The following GLI3 variants were observed in gnomAD, a reference collection of about 807,000 sequenced individuals.
GLI3 encodes GLI family zinc finger 3, also known as transcription activator GLI3.
Under a neutral mutation model 100.8 loss-of-function variants are expected in GLI3, and 20 were observed. The observed-to-expected ratio is 0.20, with a 90% confidence interval of 0.14 to 0.29. The LOEUF is 0.29. Among genes scored for constraint, GLI3 ranks in the 10% least tolerant of loss-of-function variants. The pLI, the probability that GLI3 is intolerant of heterozygous loss-of-function variation, is 1.00. For synonymous variants in GLI3, 938 were observed against 860.5 expected, an observed-to-expected ratio of 1.09 and a Z score of -1.58; for missense variants, 2,040 against 2,128.5, an observed-to-expected ratio of 0.96 and a Z score of 0.82.
intron 7 of GLI3, among the ~76,000 whole-genome samples, chr7:42,029,358 A>G (rs900250033): frequency 6.6e-6 from 1 of 152,228 alleles, no homozygotes; most frequent in African/African-American, 2.4e-5. Flanking sequence ...CTCTCAGAAC[A>G]CTGCCATCAG....
intron 1 of GLI3, among the ~76,000 whole-genome samples, chr7:42,229,115 C>A (rs938576281): frequency 6.6e-6 from 1 of 152,178 alleles, no homozygotes; most frequent in African/African-American, 2.4e-5. Flanking sequence ...AAACAACTTT[C>A]TAATGTAGGG....
intron 2 of GLI3, among the ~76,000 whole-genome samples, chr7:42,206,057 C>T (rs770844206): frequency 9.9e-5 from 15 of 152,088 alleles, no homozygotes; most frequent in Non-Finnish European, 2.1e-4. Context: ...CATCTGAGGT[C>T]AGAAGTTCGA....
At chr7:42,139,794 T>C (rs6972614) in intron 3 of GLI3, among the ~76,000 whole-genome samples, 2,434 of 152,346 alleles carry the variant, frequency 0.016, 72 homozygotes, top group African/African-American at 0.056. Context: ...TGACCTGCGA[T>C]GGAGTCGCAC....
chr7:42,106,571 T>C (rs1441598155), intron 3 of GLI3, among the ~76,000 whole-genome samples: 2 of 152,198 alleles, frequency 1.3e-5, no homozygotes, highest in African/African-American at 4.8e-5. Flanking sequence ...TCTTTTAGAA[T>C]CATTTGCAGC....
intron 4 of GLI3, among the ~76,000 whole-genome samples, chr7:42,067,679 C>T (rs1047654434): frequency 2.3e-4 from 35 of 152,100 alleles, no homozygotes; most frequent in African/African-American, 8.2e-4. Context: ...CTACCTAGGC[C>T]ATACTAGACT....
At chr7:42,025,415 T>G (rs754158937) in intron 8 of GLI3, 38 bp from the exon 9 acceptor site, 59 of 1,468,692 alleles carry the variant, frequency 4.0e-5, no homozygotes, top group Non-Finnish European at 5.5e-5. Context: ...ACAAAAAGAT[T>G]TTCATCAACA....
chr7:42,056,193 G>A (rs2128745254), intron 4 of GLI3, among the ~76,000 whole-genome samples: 1 of 152,264 alleles, frequency 6.6e-6, no homozygotes, highest in South Asian at 2.1e-4. Flanking sequence ...GCATGAAAAT[G>A]GACTAATATA....
chr7:42,052,971 T>C (rs1038484713), intron 4 of GLI3, among the ~76,000 whole-genome samples: 2 of 152,202 alleles, frequency 1.3e-5, no homozygotes, highest in African/African-American at 4.8e-5. Context: ...TCTTGGCAGC[T>C]AGATCATTTG....
At chr7:42,105,913 C>T (rs896379277) in intron 3 of GLI3, among the ~76,000 whole-genome samples, 3 of 152,108 alleles carry the variant, frequency 2.0e-5, no homozygotes, top group African/African-American at 7.2e-5. Flanking sequence ...GAGGTACATC[C>T]GCTTATCCAA....
At chr7:42,146,387 C>T (rs915632742) in intron 3 of GLI3, among the ~76,000 whole-genome samples, 1 of 152,104 alleles carries the variant, frequency 6.6e-6, no homozygotes, top group African/African-American at 2.4e-5. Flanking sequence ...GCTCCCAGCC[C>T]CTCAGAGGAC....
chr7:42,053,055 C>T (rs564582256), intron 4 of GLI3, among the ~76,000 whole-genome samples: 19 of 152,146 alleles, frequency 1.2e-4, no homozygotes, highest in East Asian at 1.9e-4. Flanking sequence ...AGTGCAGTGG[C>T]GCAATCTCGG....
intron 9 of GLI3, among the ~76,000 whole-genome samples, chr7:42,024,111 G>A (rs1789029595): frequency 6.6e-6 from 1 of 151,980 alleles, no homozygotes; most frequent in Non-Finnish European, 1.5e-5. Flanking sequence ...TGCTGTTTTC[G>A]CTGCTGTTGG....
At chr7:42,176,508 A>G (rs1186654983) in intron 2 of GLI3, among the ~76,000 whole-genome samples, 1 of 152,142 alleles carries the variant, frequency 6.6e-6, no homozygotes, top group African/African-American at 2.4e-5. Context: ...TCATGCAAAC[A>G]GATGCCCAGA....
At chr7:41,983,006 A>T (rs1440245649) in intron 10 of GLI3, among the ~76,000 whole-genome samples, 1 of 152,264 alleles carries the variant, frequency 6.6e-6, no homozygotes, top group East Asian at 1.9e-4. Flanking sequence ...TGAATGGGTT[A>T]TCTGTTCATT....
At chr7:42,084,300 CAAGTG>C (rs1562720369) in intron 3 of GLI3, among the ~76,000 whole-genome samples, 1 of 152,212 alleles carries the variant, frequency 6.6e-6, no homozygotes, top group Non-Finnish European at 1.5e-5. Context: ...TGTTCCTCTG[CAAGTG>C]AACTGACAAA....
upstream of GLI3, among the ~76,000 whole-genome samples, chr7:42,238,181 C>T (rs576458113): frequency 2.2e-4 from 33 of 152,056 alleles, no homozygotes; most frequent in East Asian, 6.3e-3. Context: ...TGATGTCACC[C>T]GCGCCCTCTC....
At chr7:42,116,127 T>G (rs531990669) in intron 3 of GLI3, among the ~76,000 whole-genome samples, 1 of 152,142 alleles carries the variant, frequency 6.6e-6, no homozygotes, top group African/African-American at 2.4e-5. Flanking sequence ...AAGACCTATC[T>G]TGACAGAAGC....
chr7:42,185,794 A>T (rs150618147), intron 2 of GLI3, among the ~76,000 whole-genome samples: 1 of 152,210 alleles, frequency 6.6e-6, no homozygotes, highest in Non-Finnish European at 1.5e-5. Context: ...ACACCCTGGC[A>T]GCAGTAGTGT....
At chr7:42,230,797 TA>T (rs1459329583) in intron 1 of GLI3, among the ~76,000 whole-genome samples, 3 of 152,128 alleles carry the variant, frequency 2.0e-5, no homozygotes, top group South Asian at 2.1e-4. Context: ...CAGGTGCCAT[TA>T]AAAAATGAGC....
Sources: gnomAD v4.1 joint callset for allele counts (sites outside exome capture counted in the v4.1 genomes callset) on GRCh38, gnomAD v4.1.1 for gene constraint, MANE v1.5 for transcripts, NCBI Gene and HGNC (gene_info 2026-07-23, HGNC 2026-07-21) for gene names.